Variants in DNTT observed in about 807,000 individuals in gnomAD.
DNTT encodes the protein DNA nucleotidylexotransferase.
Under a neutral mutation model 60.9 loss-of-function variants are expected in DNTT, and 47 were observed. That is an observed-to-expected ratio of 0.77 (90% confidence interval 0.61 to 0.98). The LOEUF is 0.98. Among genes scored for constraint, DNTT ranks in the 50% least tolerant of loss-of-function variants. The pLI is 0.00. For missense variants in DNTT, 665 were observed against 627.5 expected (o/e 1.06, Z -0.64); for synonymous variants, 224 against 221.2 (o/e 1.01, Z -0.11).
chr10:96,323,562 A>G (rs957745873), intron 5 of DNTT, among the ~76,000 whole-genome samples: 1 of 149,248 alleles, frequency 6.7e-6, no homozygotes, highest in Non-Finnish European at 1.5e-5. Context: ...ACATCATGGG[A>G]CATGAGGACC....
chr10:96,307,352 T>G (rs1437221542), intron 1 of DNTT, among the ~76,000 whole-genome samples: 12 of 124,428 alleles, frequency 9.6e-5, no homozygotes, highest in African/African-American at 3.5e-4. Flanking sequence ...AGTTTTTTTT[T>G]TTTTTTTTTT....
intron 8 of DNTT, among the ~76,000 whole-genome samples, chr10:96,329,527 T>C (rs1238337583): frequency 6.6e-6 from 1 of 152,212 alleles, no homozygotes; most frequent in Non-Finnish European, 1.5e-5. Context: ...TGGGCTGGTG[T>C]TTCTCCTCAC....
At chr10:96,331,746 G>A (rs1447797524) in intron 8 of DNTT, among the ~76,000 whole-genome samples, 1 of 152,140 alleles carries the variant, frequency 6.6e-6, no homozygotes, top group Non-Finnish European at 1.5e-5. Flanking sequence ...ACTCAAAGCT[G>A]CTCCCCAGAA....
Position 96,332,536 on chromosome 10 carries a change from T to G in DNTT, c.1299T>G (p.Asp433Glu). Residue 433 changes from aspartate to glutamate, a missense_variant, in exon 9 of 11, where the codon GAT becomes GAG. Coordinates refer to ENST00000371174, the MANE Select transcript of DNTT (RefSeq NM_004088.4). ...EGKTWKAIRV[D>E]LVLCPYERRA... ...AGACCTGGAAGGCCATCCGTGTGGA[T>G]TTAGTTCTGTGCCCCTACGAGCGTC... The G allele has an allele frequency of 6.2e-7, 1 of 1,614,102 alleles. No homozygotes were observed. The highest frequency in any genetic ancestry group is 1.7e-4 in the Middle Eastern group (1 of 6,060).
intron 1 of DNTT, among the ~76,000 whole-genome samples, chr10:96,314,383 T>C (rs11188705): frequency 0.12 from 17,378 of 146,416 alleles, 1,153 homozygotes; most frequent in South Asian, 0.17. Flanking sequence ...TTTTTAACAT[T>C]TCCAAGGCTA....
chr10:96,332,663 G>A (rs895855548), intron 9 of DNTT, 67 bp downstream of exon 9: 20 of 1,575,102 alleles, frequency 1.3e-5, no homozygotes, highest in Middle Eastern at 2.1e-4. Context: ...GTCTACCTGG[G>A]CCCAGGGGAG....
intron 1 of DNTT, among the ~76,000 whole-genome samples, chr10:96,316,364 C>G (rs1453333726): frequency 6.6e-6 from 1 of 152,098 alleles, no homozygotes; most frequent in African/African-American, 2.4e-5. Context: ...TAAGTAGTTC[C>G]GCAACCCTCC....
intron 6 of DNTT, among the ~76,000 whole-genome samples, chr10:96,327,113 A>C (rs1844945773): frequency 6.6e-6 from 1 of 152,124 alleles, no homozygotes; most frequent in African/African-American, 2.4e-5. Flanking sequence ...CCTCATCCCA[A>C]ATCTTTATGC....
At chr10:96,335,474 G>A (rs1845056229) in intron 9 of DNTT, among the ~76,000 whole-genome samples, 1 of 152,178 alleles carries the variant, frequency 6.6e-6, no homozygotes, top group South Asian at 2.1e-4. Flanking sequence ...AGGCTGGAAC[G>A]GGTTCCCTGA....
intron 1 of DNTT, among the ~76,000 whole-genome samples, chr10:96,307,777 A>ATATTTTTTTT: frequency 7.9e-6 from 1 of 126,032 alleles, no homozygotes; most frequent in African/African-American, 3.1e-5. Context: ...ATATATATAT[A>ATATTTTTTTT]TTTTTTTTTT....
At chr10:96,323,577 G>C (rs184422490) in intron 5 of DNTT, among the ~76,000 whole-genome samples, 4,165 of 152,186 alleles carry the variant, frequency 0.027, 83 homozygotes, top group Non-Finnish European at 0.042. Context: ...AGGACCATGG[G>C]GGGGTTGGTG....
At position 96,337,413 on chromosome 10, in the gene DNTT, C is replaced by T. The variant is rs114131622; in HGVS notation, c.1444-725C>T. On this transcript the variant is annotated intron_variant, in intron 10 of 10. Transcript: ENST00000371174. ...AGGAGTGGTTTCCCATAGAAAAATC[C>T]AGGTGCTGCTCACAGAAGAGGGGGC... is the stretch of plus-strand genomic sequence containing the variant. Among the ~76,000 whole-genome samples the T allele has an allele frequency of 6.9e-3, 1,053 of 152,296 alleles. 17 individuals carry two copies. Among genetic ancestry groups the T allele is most frequent in the African/African-American group, 0.023 (972 of 41,564 alleles).
chr10:96,332,319 C>T, intron 8 of DNTT, 32 bp from the exon 9 acceptor site: 1 of 1,604,688 alleles, frequency 6.2e-7, no homozygotes. Flanking sequence ...TTCATCAGGG[C>T]CTTTTCCTGA....
chr10:96,330,149 CTG>C (rs1350967095), intron 8 of DNTT, among the ~76,000 whole-genome samples: 1 of 152,188 alleles, frequency 6.6e-6, no homozygotes, highest in African/African-American at 2.4e-5. Flanking sequence ...TGTTTGACAA[CTG>C]TGGCCTGCTG....
rs898248191 is a variant in DNTT at position 96,338,381 on chromosome 10, G to A, written c.*157G>A. The A allele has an allele frequency of 6.4e-6, 4 of 621,110 alleles. No homozygotes were observed. The highest frequency in any genetic ancestry group is 3.7e-5 in the African/African-American group (2 of 54,060). 38.5% of individuals were successfully genotyped at this position (621,110 alleles called of 1,614,324 possible). ...AATAACTTTGGAAACATGGGAAGGT[G>A]CCACTGGTAATGGGTAAGGTTCTAA... On this transcript the variant is annotated 3_prime_UTR_variant, in exon 11 of 11. Coordinates refer to ENST00000371174, the MANE Select transcript of DNTT (RefSeq NM_004088.4).
chr10:96,305,368 C>A (rs1377586168), intron 1 of DNTT, among the ~76,000 whole-genome samples: 1 of 152,168 alleles, frequency 6.6e-6, no homozygotes, highest in Non-Finnish European at 1.5e-5. Flanking sequence ...TTTGGACCAC[C>A]TAGATTGGTT....
At chr10:96,307,404 G>T in intron 1 of DNTT, among the ~76,000 whole-genome samples, 1 of 129,458 alleles carries the variant, frequency 7.7e-6, no homozygotes, top group South Asian at 2.6e-4. Flanking sequence ...TCCCAGGCTG[G>T]AGTGCAGTGG....
At chr10:96,315,335 G>T (rs1342838413) in intron 1 of DNTT, among the ~76,000 whole-genome samples, 1 of 151,930 alleles carries the variant, frequency 6.6e-6, no homozygotes, top group Non-Finnish European at 1.5e-5. Context: ...TTACCTTGTT[G>T]GGAACTAGTG....
Position 96,318,346 on chromosome 10 carries a change from T to C in DNTT, c.204-6T>C. The C allele has an allele frequency of 6.2e-7, 1 of 1,606,692 alleles. No homozygotes were observed. Among genetic ancestry groups the C allele is most frequent in the Non-Finnish European group, 8.5e-7 (1 of 1,175,218 alleles). On this transcript the variant is annotated splice_region_variant and splice_polypyrimidine_tract_variant and intron_variant, in intron 1 of 10. Transcript: ENST00000371174. ...TCAGCTGGTAACTCTGTCTTGCATT[T>C]TGCAGTGATTCTGTCACCCACATCG...
Sources: gnomAD v4.1 joint callset for allele counts (sites outside exome capture counted in the v4.1 genomes callset) on GRCh38, gnomAD v4.1.1 for gene constraint, MANE v1.5 for transcripts, NCBI Gene and HGNC (gene_info 2026-07-23, HGNC 2026-07-21) for gene names.